The following DMD variants were observed in gnomAD, a reference collection of about 807,000 sequenced individuals.
DMD encodes the protein mutant dystrophin.
Under a neutral mutation model 330.1 loss-of-function variants are expected in DMD, and 63 were observed. The observed-to-expected ratio is 0.19, with a 90% CI of 0.16 to 0.24. The LOEUF (loss-of-function observed/expected upper bound fraction) is 0.24. Ranked by LOEUF, DMD falls within the 10% of genes least tolerant of loss-of-function variation. DMD has a pLI of 1.00. For synonymous variants in DMD, 1,223 were observed against 959.8 expected, an observed-to-expected ratio of 1.27 and a Z score of -5.07; for missense variants, 3,344 against 2,684.1, an observed-to-expected ratio of 1.25 and a Z score of -5.43.
At chrX:32,247,543 A>C (rs1219461078) in intron 43 of DMD, among the ~76,000 whole-genome samples, 1 of 111,943 alleles carries the variant, frequency 8.9e-6, no homozygotes. Context: ...CTTGACATAT[A>C]AATAGTGTTT....
chrX:31,594,483 G>GTT (rs1300371559), intron 55 of DMD, among the ~76,000 whole-genome samples: 1 of 111,451 alleles, frequency 9.0e-6, no homozygotes, highest in African/African-American at 3.2e-5. Context: ...AAAAAATGTT[G>GTT]TTTGAATGCT....
At chrX:32,719,841 G>A (rs763892194) in intron 7 of DMD, among the ~76,000 whole-genome samples, 1 of 109,758 alleles carries the variant, frequency 9.1e-6, no homozygotes, top group South Asian at 3.9e-4. Flanking sequence ...GGTACACAAT[G>A]CCCTTTTCCA....
intron 41 of DMD, among the ~76,000 whole-genome samples, chrX:32,336,160 T>G (rs968229317): frequency 9.1e-6 from 1 of 110,083 alleles, no homozygotes; most frequent in African/African-American, 3.3e-5. Context: ...GTTATCTGTG[T>G]GTGTATAACA....
intron 1 of DMD, among the ~76,000 whole-genome samples, chrX:33,307,161 G>C (rs990736039): frequency 2.7e-5 from 3 of 111,106 alleles, no homozygotes; most frequent in African/African-American, 9.8e-5. Flanking sequence ...TGCAACTCGA[G>C]ACAGATTTAG....
chrX:31,667,887 C>A lies in DMD; in HGVS notation c.7873-9743G>T, dbSNP rs757283673. ...TTGTTTCACCATTTTACATTTCCAC[C>A]AGTAATGTGAAAATTCCAAGCATTC... is the stretch of plus-strand genomic sequence containing the variant. On this transcript the variant is annotated intron_variant, in intron 53 of 78. Coordinates refer to ENST00000357033, the MANE Select transcript of DMD (RefSeq NM_004006.3). Among the ~76,000 whole-genome samples the A allele has an allele frequency of 4.3e-4, 48 of 111,776 alleles. 1 individual carries two copies. The highest frequency in any genetic ancestry group is 1.5e-3 in the African/African-American group (46 of 30,887).
chrX:33,311,952 A>G (rs557509356), intron 1 of DMD, among the ~76,000 whole-genome samples: 93 of 110,657 alleles, frequency 8.4e-4, no homozygotes, highest in Non-Finnish European at 1.6e-3. Flanking sequence ...GAGAAAGACT[A>G]TTTAAGATGA....
intron 1 of DMD, among the ~76,000 whole-genome samples, chrX:33,178,761 A>T (rs1461776380): frequency 8.9e-6 from 1 of 112,555 alleles, no homozygotes; most frequent in Non-Finnish European, 1.9e-5. Flanking sequence ...CTGCTTTGAA[A>T]TGAAAAGCAT....
intron 1 of DMD, among the ~76,000 whole-genome samples, chrX:33,058,684 G>A: frequency 9.0e-6 from 1 of 110,574 alleles, no homozygotes. Flanking sequence ...AGTAGATATT[G>A]GCAAATATTA....
At chrX:32,296,608 T>A (rs759882065) in intron 42 of DMD, among the ~76,000 whole-genome samples, 1 of 111,537 alleles carries the variant, frequency 9.0e-6, no homozygotes, top group African/African-American at 3.3e-5. Context: ...ATATGTCCAC[T>A]GTGGGATGTA....
chrX:32,589,331 A>G (rs1363843464), intron 13 of DMD, among the ~76,000 whole-genome samples: 3 of 111,244 alleles, frequency 2.7e-5, no homozygotes, highest in African/African-American at 6.5e-5. Flanking sequence ...ACACTATATC[A>G]CAGTCTGTGA....
chrX:32,686,411 T>G (rs781590492), intron 9 of DMD, among the ~76,000 whole-genome samples: 2 of 109,044 alleles, frequency 1.8e-5, no homozygotes, highest in East Asian at 5.7e-4. Flanking sequence ...ATACAAAAAT[T>G]AGCTGGGTGT....
In DMD at chrX:31,177,917, A is replaced by C. The variant is rs775323928; in HGVS notation, c.10262+15T>G. On this transcript the variant is annotated intron_variant, in intron 71 of 78. Transcript: ENST00000357033. Reference sequence around the variant, plus strand: ...GTTGGTGGTAGCAGCACCCTTCAGCAAAAAAAGTACTCACGCAGAATCTAC... The same window carrying C: ...GTTGGTGGTAGCAGCACCCTTCAGCCAAAAAAGTACTCACGCAGAATCTAC... The C allele has an allele frequency of 8.4e-7, 1 of 1,189,689 alleles. No individual in the cohort carries two copies. Among genetic ancestry groups the C allele is most frequent in the South Asian group, 1.8e-5 (1 of 55,513 alleles).
At chrX:31,486,647 A>G (rs2068834608) in intron 57 of DMD, among the ~76,000 whole-genome samples, 1 of 112,011 alleles carries the variant, frequency 8.9e-6, no homozygotes, top group Non-Finnish European at 1.9e-5. Flanking sequence ...AGGCTCTGAA[A>G]TGTAGGATGA....
intron 63 of DMD, among the ~76,000 whole-genome samples, chrX:31,251,773 G>C (rs963103275): frequency 1.8e-5 from 2 of 112,379 alleles, no homozygotes; most frequent in Admixed American, 9.5e-5. Context: ...GAGCAGACAC[G>C]TTTTTAGATG....
intron 1 of DMD, among the ~76,000 whole-genome samples, chrX:33,100,368 T>G (rs1234754030): frequency 8.9e-6 from 1 of 112,391 alleles, no homozygotes; most frequent in Non-Finnish European, 1.9e-5. Flanking sequence ...TTAAAATTTC[T>G]TTAAATATCA....
At chrX:32,405,280 A>T (rs1438606715) in intron 30 of DMD, among the ~76,000 whole-genome samples, 1 of 111,751 alleles carries the variant, frequency 8.9e-6, no homozygotes, top group African/African-American at 3.2e-5. Flanking sequence ...TAGGTGCCAA[A>T]ACTAAACTCT....
intron 55 of DMD, among the ~76,000 whole-genome samples, chrX:31,602,321 GTT>G (rs773800072): frequency 0.072 from 6,633 of 91,799 alleles, 285 homozygotes; most frequent in Admixed American, 0.18. Context: ...CCTTTCTCCA[GTT>G]TTTTTTTTTT....
intron 43 of DMD, among the ~76,000 whole-genome samples, chrX:32,239,156 A>G (rs1466117225): frequency 9.0e-6 from 1 of 111,372 alleles, no homozygotes; most frequent in Non-Finnish European, 1.9e-5. Context: ...GTGACAACGA[A>G]AAAGGTCTCC....
At chrX:31,576,001 T>C (rs2076079221) in intron 55 of DMD, among the ~76,000 whole-genome samples, 1 of 112,003 alleles carries the variant, frequency 8.9e-6, no homozygotes, top group Non-Finnish European at 1.9e-5. Flanking sequence ...TTCTAAAATA[T>C]ATATTTAGAT....
Sources: gnomAD v4.1 joint callset for allele counts (sites outside exome capture counted in the v4.1 genomes callset) on GRCh38, gnomAD v4.1.1 for gene constraint, MANE v1.5 for transcripts, NCBI Gene and HGNC (gene_info 2026-07-23, HGNC 2026-07-21) for gene names.